The following DENND1A variants were observed in gnomAD, a reference collection of about 807,000 sequenced individuals.
DENND1A encodes the protein DENN domain-containing protein 1A.
DENND1A carries 51 observed loss-of-function variants against 113.7 expected under a neutral mutation model. That is an observed-to-expected ratio of 0.45 (90% CI 0.36 to 0.57). DENND1A has a LOEUF of 0.57. Among genes scored for constraint, DENND1A ranks in the 20% least tolerant of loss-of-function variants. DENND1A has a pLI of 0.00. For synonymous variants in DENND1A, 565 were observed against 570.8 expected (o/e 0.99, Z 0.14); for missense variants, 1,258 against 1,395.9 (o/e 0.90, Z 1.57).
At chr9:123,794,944 T>C (rs1833543488) in intron 2 of DENND1A, among the ~76,000 whole-genome samples, 2 of 152,156 alleles carry the variant, frequency 1.3e-5, no homozygotes, top group African/African-American at 4.8e-5. Context: ...GAAAGCAATA[T>C]AAACGCCATC....
intron 12 of DENND1A, among the ~76,000 whole-genome samples, chr9:123,565,454 G>T (rs2058002356): frequency 6.6e-6 from 1 of 152,100 alleles, no homozygotes. Flanking sequence ...TTAACTGCTG[G>T]GTGTCACAGT....
chr9:123,516,107 TACACACACACACACACACACACACACAC>T (rs199923277), intron 13 of DENND1A, among the ~76,000 whole-genome samples: 2 of 138,574 alleles, frequency 1.4e-5, no homozygotes, highest in Non-Finnish European at 3.1e-5. Context: ...TACACACACA[TACACACACACACACACACACACACACAC>T]ACACACACAC....
chr9:123,831,253 T>C (rs998046298), intron 2 of DENND1A, among the ~76,000 whole-genome samples: 2 of 152,174 alleles, frequency 1.3e-5, no homozygotes, highest in East Asian at 3.8e-4. Flanking sequence ...GCAAGACTTA[T>C]ACACGAATAT....
chr9:123,382,478 C>A lies in DENND1A; in HGVS notation c.2167G>T (p.Ala723Ser). The change falls in exon 24 of 24, where the codon GCC becomes TCC. Residue 723 changes from alanine to serine, a missense_variant. By Grantham distance (99) the Ala-to-Ser change is moderately conservative. Transcript: ENST00000394215. ...PPAASPEKPSALLGNSLALPR... is the reference protein window; with the variant it reads ...PPAASPEKPSSLLGNSLALPR... ...AGGGCCAGGGAGTTTCCGAGCAGGG[C>A]TGAGGGCTTCTCAGGGGAGGCAGCT... 2.5e-6 allele frequency: 4 copies of A among 1,613,608 alleles called. No individual in the cohort carries two copies. Among genetic ancestry groups the A allele is most frequent in the Non-Finnish European group, 3.4e-6 (4 of 1,179,764 alleles).
intron 9 of DENND1A, among the ~76,000 whole-genome samples, chr9:123,649,800 A>G (rs76819841): frequency 0.017 from 2,578 of 152,204 alleles, 61 homozygotes; most frequent in African/African-American, 0.057. Flanking sequence ...TAGTTTTGGG[A>G]GGAAGCAGAA....
intron 2 of DENND1A, among the ~76,000 whole-genome samples, chr9:123,859,930 G>C (rs137964415): frequency 6.6e-6 from 1 of 152,264 alleles, no homozygotes; most frequent in East Asian, 1.9e-4. Flanking sequence ...CTTGACTTTA[G>C]CTTGGGGTGA....
intron 13 of DENND1A, among the ~76,000 whole-genome samples, chr9:123,494,788 C>CT (rs1166420707): frequency 6.6e-6 from 1 of 151,836 alleles, no homozygotes; most frequent in Admixed American, 6.6e-5. Context: ...CCTTCAGGCC[C>CT]TTTTTTTGTA....
intron 19 of DENND1A, among the ~76,000 whole-genome samples, chr9:123,421,096 C>T (rs1195091254): frequency 3.5e-5 from 5 of 144,382 alleles, no homozygotes; most frequent in Admixed American, 2.1e-4. Flanking sequence ...GTCGAGGGTG[C>T]CTGGGTGACA....
intron 12 of DENND1A, among the ~76,000 whole-genome samples, chr9:123,564,321 C>T (rs966978186): frequency 6.6e-6 from 1 of 152,234 alleles, no homozygotes; most frequent in Non-Finnish European, 1.5e-5. Context: ...ACCTCTAAGA[C>T]AATCCTATCT....
At chr9:123,763,668 T>G (rs914924104) in intron 4 of DENND1A, among the ~76,000 whole-genome samples, 2 of 151,886 alleles carry the variant, frequency 1.3e-5, no homozygotes, top group Non-Finnish European at 2.9e-5. Flanking sequence ...AGGACTAATT[T>G]ATAGAAACAC....
chr9:123,410,434 G>T (rs1219202834), intron 20 of DENND1A, among the ~76,000 whole-genome samples: 1 of 152,208 alleles, frequency 6.6e-6, no homozygotes, highest in Non-Finnish European at 1.5e-5. Context: ...TGTGTCGATG[G>T]GGGGTTTGGG....
intron 13 of DENND1A, among the ~76,000 whole-genome samples, chr9:123,539,387 G>C (rs2056102709): frequency 6.6e-6 from 1 of 152,074 alleles, no homozygotes; most frequent in African/African-American, 2.4e-5. Flanking sequence ...AGTTGAAAGA[G>C]AATTAAAAGT....
chr9:123,522,451 A>T (rs1357927096), intron 13 of DENND1A, among the ~76,000 whole-genome samples: 1 of 152,258 alleles, frequency 6.6e-6, no homozygotes, highest in Non-Finnish European at 1.5e-5. Context: ...TGTTCTATTC[A>T]ATTGCTTAAA....
intron 5 of DENND1A, among the ~76,000 whole-genome samples, chr9:123,754,813 T>C (rs1011944457): frequency 9.9e-5 from 15 of 152,208 alleles, no homozygotes; most frequent in Non-Finnish European, 1.6e-4. Context: ...CTCACAAATA[T>C]GAAATCCAGG....
At chr9:123,382,709 T>C in intron 23 of DENND1A, 84 bp from the exon 24 acceptor site, 6 of 1,406,434 alleles carry the variant, frequency 4.3e-6, no homozygotes, top group Admixed American at 1.9e-5. Flanking sequence ...TTCTGTGTGC[T>C]GAATGTGTGC....
At chr9:123,433,961 A>AAAAAC (rs1193614508) in intron 19 of DENND1A, among the ~76,000 whole-genome samples, 3 of 152,240 alleles carry the variant, frequency 2.0e-5, no homozygotes, top group African/African-American at 7.2e-5. Context: ...AGGAACTAGG[A>AAAAAC]AAAACACACA....
At chr9:123,513,914 C>T (rs891380063) in intron 13 of DENND1A, among the ~76,000 whole-genome samples, 7 of 152,170 alleles carry the variant, frequency 4.6e-5, no homozygotes, top group African/African-American at 1.2e-4. Context: ...TAACTGGAGC[C>T]TGCCCAACAT....
Position 123,433,459 on chromosome 9 carries a change from T to C in DENND1A, c.1488+6901A>G, listed in dbSNP as rs575642414. 6.6e-5 allele frequency among the ~76,000 whole-genome samples: 10 copies of C among 152,312 alleles called. No homozygotes were observed. In the East Asian group the frequency reaches 1.7e-3, roughly 26 times the overall value. On this transcript the variant is annotated intron_variant, in intron 19 of 23. Coordinates refer to ENST00000394215, the MANE Select transcript of DENND1A (RefSeq NM_001352964.2). ...CTGTGTGTGTACATGATGTGTAATGTTTTTTCAAATACCATTTGAAAGTAA... is the reference window on the plus strand; with the variant it reads ...CTGTGTGTGTACATGATGTGTAATGCTTTTTCAAATACCATTTGAAAGTAA...
intron 10 of DENND1A, among the ~76,000 whole-genome samples, chr9:123,612,042 T>C (rs1024014911): frequency 7.9e-5 from 12 of 152,246 alleles, no homozygotes; most frequent in Admixed American, 7.2e-4. Context: ...CAGCTCTGTA[T>C]TTAGAAAATA....
Sources: gnomAD v4.1 joint callset for allele counts (sites outside exome capture counted in the v4.1 genomes callset) on GRCh38, gnomAD v4.1.1 for gene constraint, MANE v1.5 for transcripts, NCBI Gene and HGNC (gene_info 2026-07-23, HGNC 2026-07-21) for gene names.